The following DIP2B variants were observed in gnomAD, a reference collection of about 807,000 sequenced individuals.
DIP2B encodes the protein DIP2 acetate--CoA ligase B (putative), also known as disco-interacting protein 2 homolog B.
A neutral mutation model predicts 198.0 loss-of-function variants in DIP2B; 76 were observed. The ratio of observed to expected loss-of-function variants is 0.38; its 90% CI spans 0.32 to 0.46. The LOEUF is 0.46. Among genes scored for constraint, DIP2B ranks in the 20% least tolerant of loss-of-function variants. DIP2B has a pLI of 0.99. For missense variants in DIP2B, 1,559 were observed against 1,978.4 expected, an observed-to-expected ratio of 0.79 and a Z score of 4.02; for synonymous variants, 701 against 739.1, an observed-to-expected ratio of 0.95 and a Z score of 0.84.
chr12:50,535,633 A>G (rs989708884), intron 1 of DIP2B, among the ~76,000 whole-genome samples: 5 of 151,836 alleles, frequency 3.3e-5, no homozygotes, highest in Admixed American at 6.6e-5. Flanking sequence ...GGTCTCCCAA[A>G]GTGCTCGGAT....
chr12:50,552,089 T>C (rs1958431639), intron 1 of DIP2B, among the ~76,000 whole-genome samples: 1 of 152,180 alleles, frequency 6.6e-6, no homozygotes, highest in South Asian at 2.1e-4. Context: ...TTTTTTAAAA[T>C]AGATATCCTA....
chr12:50,626,123 T>A, intron 2 of DIP2B, 76 bp downstream of exon 2: 11 of 1,468,040 alleles, frequency 7.5e-6, no homozygotes, highest in Non-Finnish European at 1.0e-5. Context: ...ACCTCTATCT[T>A]TTGTTTGTTC....
At chr12:50,614,778 C>G (rs1056973688) in intron 1 of DIP2B, among the ~76,000 whole-genome samples, 2 of 152,238 alleles carry the variant, frequency 1.3e-5, no homozygotes, top group African/African-American at 4.8e-5. Context: ...GTGATGTTTA[C>G]TGCCTCATTG....
At chr12:50,508,313 ATATTT>A (rs1957985489) in intron 1 of DIP2B, among the ~76,000 whole-genome samples, 1 of 152,204 alleles carries the variant, frequency 6.6e-6, no homozygotes, top group Admixed American at 6.5e-5. Flanking sequence ...AATGATCCAC[ATATTT>A]TATTATATGC....
At chr12:50,645,262 A>G (rs1938330050) in intron 3 of DIP2B, among the ~76,000 whole-genome samples, 1 of 152,212 alleles carries the variant, frequency 6.6e-6, no homozygotes, top group Admixed American at 6.5e-5. Flanking sequence ...TTATCCAGAA[A>G]TTCTACTTCT....
At chr12:50,524,516 C>T (rs1037740200) in intron 1 of DIP2B, among the ~76,000 whole-genome samples, 2 of 152,052 alleles carry the variant, frequency 1.3e-5, no homozygotes, top group African/African-American at 4.8e-5. Flanking sequence ...TCTCTCCTTC[C>T]CTATTCTTCC....
chr12:50,600,391 C>T (rs748343616), intron 1 of DIP2B, among the ~76,000 whole-genome samples: 4 of 151,982 alleles, frequency 2.6e-5, no homozygotes, highest in African/African-American at 2.4e-5. Flanking sequence ...CTTGTTGTAG[C>T]GTGCATAAAT....
chr12:50,711,895 A>AT (rs1386847815), intron 22 of DIP2B, among the ~76,000 whole-genome samples: 3 of 152,204 alleles, frequency 2.0e-5, no homozygotes, highest in African/African-American at 7.2e-5. Context: ...TTGGCCACGC[A>AT]TGGTGGCTCA....
At chr12:50,696,058 GA>G in intron 16 of DIP2B, 91 bp downstream of exon 16, 2 of 1,546,454 alleles carry the variant, frequency 1.3e-6, no homozygotes, top group Non-Finnish European at 1.8e-6. Context: ...TTCACATACT[GA>G]AAAACTCACT....
intron 34 of DIP2B, among the ~76,000 whole-genome samples, chr12:50,735,469 TG>T (rs1940121477): frequency 7.3e-6 from 1 of 137,772 alleles, no homozygotes; most frequent in South Asian, 2.4e-4. Flanking sequence ...TTTTGTTTTT[TG>T]TTTTTTGTTT....
At chr12:50,656,441 A>T (rs1938555302) in intron 3 of DIP2B, among the ~76,000 whole-genome samples, 1 of 152,188 alleles carries the variant, frequency 6.6e-6, no homozygotes, top group South Asian at 2.1e-4. Context: ...ATATGAAGGG[A>T]CTCCTATTGG....
At chr12:50,649,373 T>C (rs917439633) in intron 3 of DIP2B, among the ~76,000 whole-genome samples, 1 of 152,198 alleles carries the variant, frequency 6.6e-6, no homozygotes, top group Non-Finnish European at 1.5e-5. Flanking sequence ...TAAAACTGTT[T>C]AGTATGGCAC....
intron 36 of DIP2B, among the ~76,000 whole-genome samples, chr12:50,740,816 C>A (rs1163233729): frequency 6.6e-6 from 1 of 152,162 alleles, no homozygotes; most frequent in Non-Finnish European, 1.5e-5. Context: ...GAAAAAATGA[C>A]ACTTGTTCAT....
chr12:50,610,918 C>T lies in DIP2B; in HGVS notation c.101-15058C>T, dbSNP rs373488585. ...CCGTTCAAGCAGTTCTCTGTCTCAG[C>T]CTCCTGAGTAGCTGGGATTACAGGA... On this transcript the variant is annotated intron_variant, in intron 1 of 37. Coordinates refer to ENST00000301180, the MANE Select transcript of DIP2B (RefSeq NM_173602.3). 1.1e-4 allele frequency among the ~76,000 whole-genome samples: 16 copies of T among 151,948 alleles called. No homozygotes were observed. The South Asian group carries it at 1.9e-3, about 18-fold the overall frequency.
At chr12:50,696,137 G>A (rs1317974010) in intron 16 of DIP2B, among the ~76,000 whole-genome samples, 170 bp downstream of exon 16, 1 of 152,158 alleles carries the variant, frequency 6.6e-6, no homozygotes, top group Non-Finnish European at 1.5e-5. Context: ...TACAATCTAA[G>A]TTTAGAACAT....
intron 5 of DIP2B, 44 bp from the exon 6 acceptor site, chr12:50,674,430 G>C: frequency 1.2e-6 from 2 of 1,609,482 alleles, no homozygotes; most frequent in Non-Finnish European, 8.5e-7. Context: ...AAGGTTCTTA[G>C]TTTTGCTGCT....
chr12:50,739,307 TAATATA>T (rs1451436351), intron 35 of DIP2B, 96 bp from the exon 36 acceptor site: 1 of 1,329,302 alleles, frequency 7.5e-7, no homozygotes, highest in Non-Finnish European at 1.0e-6. Context: ...GTGTTGTTGT[TAATATA>T]AAAATGAGAT....
intron 1 of DIP2B, among the ~76,000 whole-genome samples, chr12:50,595,915 C>G (rs907096431): frequency 5.3e-5 from 8 of 152,184 alleles, no homozygotes; most frequent in Non-Finnish European, 7.3e-5. Context: ...CCTTATCACC[C>G]TCAAGGAGTA....
intron 1 of DIP2B, among the ~76,000 whole-genome samples, chr12:50,538,397 A>G (rs1958289068): frequency 6.6e-6 from 1 of 152,236 alleles, no homozygotes; most frequent in African/African-American, 2.4e-5. Context: ...GCCGATAGTC[A>G]GCATGAATTT....
Sources: gnomAD v4.1 joint callset for allele counts (sites outside exome capture counted in the v4.1 genomes callset) on GRCh38, gnomAD v4.1.1 for gene constraint, MANE v1.5 for transcripts, NCBI Gene and HGNC (gene_info 2026-07-23, HGNC 2026-07-21) for gene names.